Variants in BRF1 observed in about 807,000 individuals in gnomAD.
BRF1 encodes the protein transcription factor IIIB 90 kDa subunit.
BRF1 carries 59 observed loss-of-function variants against 81.7 expected under a neutral mutation model. That is an observed-to-expected ratio of 0.72 (90% CI 0.59 to 0.90). The LOEUF is 0.90. BRF1 is among the 40% of genes least tolerant of loss of function. BRF1 has a pLI of 0.00. For synonymous variants in BRF1, 491 were observed against 395.6 expected, an observed-to-expected ratio of 1.24 and a Z score of -2.86; for missense variants, 1,050 against 936.3, an observed-to-expected ratio of 1.12 and a Z score of -1.58.
intron 1 of BRF1, among the ~76,000 whole-genome samples, chr14:105,295,366 G>C (rs1038199054): frequency 6.6e-6 from 1 of 150,394 alleles, no homozygotes; most frequent in Non-Finnish European, 1.5e-5. Flanking sequence ...AGAACTTTGA[G>C]AGGCCAAGAC....
rs587659131 is a variant in BRF1 at position 105,218,104 on chromosome 14, A to ACACAGGGCAGGGCCACATG, written c.1516-323_1516-305dup. On this transcript the variant is annotated intron_variant, in intron 14 of 17. Transcript: ENST00000547530. ...CAGGGCCCTGCTGCCCCTGGGTCCC[A>ACACAGGGCAGGGCCACATG]CACAGGGCAGGGCCACATGCACACG... Among the ~76,000 whole-genome samples the ACACAGGGCAGGGCCACATG allele has an allele frequency of 1.5e-4, 23 of 152,216 alleles. No homozygotes were observed. The East Asian group carries it at 4.4e-3, about 29-fold the overall frequency.
In BRF1 at chr14:105,210,596, A is replaced by G. The variant is rs1159843541; in HGVS notation, c.1997-8T>C. On this transcript the variant is annotated splice_region_variant and splice_polypyrimidine_tract_variant and intron_variant, in intron 17 of 17. Coordinates refer to ENST00000547530, the MANE Select transcript of BRF1 (RefSeq NM_001519.4). This position sits in a 1 kb window ranked among gnomAD's most constrained non-coding sequence, Gnocchi z 4.7. ...CGCCATCACAGCCATAGTCTGCAGA[A>G]GAGCACAGTCATGAAGCCCAGGGTC... 1 of 1,611,490 alleles carries G rather than the reference A, an allele frequency of 6.2e-7. No homozygotes were observed. The highest frequency in any genetic ancestry group is 8.5e-7 in the Non-Finnish European group (1 of 1,179,808).
rs587616617 is a variant in BRF1, at chr14:105,245,111, C to T, written c.545-3697G>A. 7.9e-4 allele frequency among the ~76,000 whole-genome samples: 121 copies of T among 152,266 alleles called. 1 individual carries two copies. The highest frequency in any genetic ancestry group is 2.8e-3 in the African/African-American group (117 of 41,526). On this transcript the variant is annotated intron_variant, in intron 5 of 17. Coordinates refer to ENST00000547530, the MANE Select transcript of BRF1 (RefSeq NM_001519.4). ...TGGTGGCTCACACCTGTAATCCTAGCACTTTGGGAGGCCGAGGCAGGTGGA... is the reference window on the plus strand; with the variant it reads ...TGGTGGCTCACACCTGTAATCCTAGTACTTTGGGAGGCCGAGGCAGGTGGA...
intron 5 of BRF1, chr14:105,247,406 C>G (rs1295891601): frequency 6.1e-6 from 6 of 985,326 alleles, no homozygotes; most frequent in Non-Finnish European, 7.2e-6. Context: ...TTTGTGCACT[C>G]TGGGCCATTG....
intron 1 of BRF1, 127 bp from the exon 2 acceptor site, chr14:105,286,503 C>T (rs149520246): frequency 2.0e-5 from 19 of 928,774 alleles, no homozygotes; most frequent in Non-Finnish European, 2.7e-5. Flanking sequence ...AGCAGCAGGT[C>T]GGCCCCCCGC....
intron 7 of BRF1, chr14:105,227,884 G>A (rs1183043846): frequency 6.6e-6 from 1 of 152,252 alleles, no homozygotes; most frequent in Non-Finnish European, 1.5e-5. Context: ...CTGAAAAACA[G>A]CAGTCCTGTG....
chr14:105,226,518 A>G, intron 8 of BRF1, 116 bp downstream of exon 8: 1 of 1,546,470 alleles, frequency 6.5e-7, no homozygotes, highest in Non-Finnish European at 8.7e-7. Flanking sequence ...ATAGCACTGA[A>G]GAGCGGCTAT....
intron 15 of BRF1, among the ~76,000 whole-genome samples, chr14:105,214,173 T>C (rs1009502778): frequency 1.3e-5 from 2 of 152,218 alleles, no homozygotes; most frequent in African/African-American, 4.8e-5. Flanking sequence ...CTGGGGCCTG[T>C]AAGCAGGCAA....
Position 105,269,242 on chromosome 14 carries a change from G to A in BRF1, c.439+3479C>T, listed in dbSNP as rs1163773154. Among the ~76,000 whole-genome samples, 2 of 152,126 alleles carry A rather than the reference G, an allele frequency of 1.3e-5. No individual in the cohort carries two copies. Among genetic ancestry groups the A allele is most frequent in the East Asian group, 1.9e-4 (1 of 5,198 alleles). On this transcript the variant is annotated intron_variant, in intron 3 of 17. Coordinates refer to ENST00000547530, the MANE Select transcript of BRF1 (RefSeq NM_001519.4). This position sits in a 1 kb window ranked among gnomAD's most constrained non-coding sequence, Gnocchi z 5.0. ...CTAAAGTGCCGGCAAAGCAGGGGTGGGCTGGGAAGTGAGGGCTACAGCTAC... is the reference window on the plus strand; with the variant it reads ...CTAAAGTGCCGGCAAAGCAGGGGTGAGCTGGGAAGTGAGGGCTACAGCTAC...
At chr14:105,289,816 A>T (rs2057450459) in intron 1 of BRF1, among the ~76,000 whole-genome samples, 2 of 151,816 alleles carry the variant, frequency 1.3e-5, no homozygotes, top group African/African-American at 4.8e-5. Flanking sequence ...TTGTATTTTT[A>T]CTAGAGATGA....
intron 2 of BRF1, 37 bp downstream of exon 2, chr14:105,286,259 C>T: frequency 1.3e-6 from 2 of 1,587,316 alleles, no homozygotes; most frequent in Non-Finnish European, 8.6e-7. Flanking sequence ...TCTCTGGGAC[C>T]CGCCGCACGC....
intron 3 of BRF1, among the ~76,000 whole-genome samples, chr14:105,265,063 TTG>T (rs796162542): frequency 2.2e-5 from 3 of 139,272 alleles, no homozygotes; most frequent in African/African-American, 6.0e-5. Context: ...TGTTTTTTTT[TTG>T]TTTGTTTGTT....
intron 6 of BRF1, 67 bp from the exon 7 acceptor site, chr14:105,228,980 A>C (rs1595328544): frequency 2.1e-6 from 3 of 1,420,828 alleles, no homozygotes; most frequent in Middle Eastern, 1.8e-4. Flanking sequence ...GTGGCGGCCC[A>C]GGACAACACT....
At position 105,210,148 on chromosome 14, in the gene BRF1, CCA is replaced by C. The variant is rs1889905294; in HGVS notation, c.*401_*402del. On this transcript the variant is annotated 3_prime_UTR_variant, in exon 18 of 18. Transcript: ENST00000547530. This position sits in a 1 kb window ranked among gnomAD's most constrained non-coding sequence, Gnocchi z 4.7. ...CGGTGCGGAGGGTGGGCTGGAGACT[CCA>C]GAGCTGGTCCTGAGTCACAGGGCCA... is the stretch of plus-strand genomic sequence containing the variant. 1 of 279,242 alleles carries C rather than the reference CCA, an allele frequency of 3.6e-6. No homozygotes were observed. Among genetic ancestry groups the C allele is most frequent in the African/African-American group, 2.2e-5 (1 of 44,912 alleles). 17.3% of individuals were successfully genotyped at this position (279,242 alleles called of 1,614,324 possible). A position where few individuals can be genotyped will look rare whatever the true frequency, so the allele number is the denominator to read the frequency against.
chr14:105,214,593 G>A (rs587702854), intron 15 of BRF1, among the ~76,000 whole-genome samples: 1 of 152,308 alleles, frequency 6.6e-6, no homozygotes, highest in South Asian at 2.1e-4. Flanking sequence ...ATCAGGGGAA[G>A]CATGCATCAT....
chr14:105,250,251 A>G (rs2055522778), intron 5 of BRF1: 1 of 1,613,020 alleles, frequency 6.2e-7, no homozygotes, highest in Non-Finnish European at 8.5e-7. Flanking sequence ...TCTTCTGCCT[A>G]CCGCAGCAAC....
chr14:105,284,220 TCA>T lies in BRF1; in HGVS notation c.265+2074_265+2075del, dbSNP rs1291486498. Reference sequence around the variant, plus strand: ...CTCGAAGCATTTCCGAAGACTGAAATCACACAGAGGGTGCTCTCTACTGCAGA... The same window carrying T: ...CTCGAAGCATTTCCGAAGACTGAAATCACAGAGGGTGCTCTCTACTGCAGA... On this transcript the variant is annotated intron_variant, in intron 2 of 17. Transcript: ENST00000547530. This position sits in a 1 kb window ranked among gnomAD's most constrained non-coding sequence, Gnocchi z 4.0. Among the ~76,000 whole-genome samples the T allele has an allele frequency of 6.6e-6, 1 of 151,726 alleles. No individual in the cohort carries two copies. Among genetic ancestry groups the T allele is most frequent in the Non-Finnish European group, 1.5e-5 (1 of 67,952 alleles).
At chr14:105,256,202 T>G in intron 4 of BRF1, 1 of 1,532,726 alleles carries the variant, frequency 6.5e-7, no homozygotes, top group African/African-American at 1.4e-5. Context: ...CAAAAAAATT[T>G]TTTAATTGAA....
chr14:105,212,447 G>A (rs1019578397), intron 15 of BRF1: 1 of 425,562 alleles, frequency 2.3e-6, no homozygotes, highest in Non-Finnish European at 4.3e-6. Context: ...AACAGTGCCT[G>A]AGCCCTCAAG....
Sources: gnomAD v4.1 joint callset for allele counts (sites outside exome capture counted in the v4.1 genomes callset) on GRCh38, gnomAD v4.1.1 for gene constraint, Gnocchi (gnomAD v3.1) non-coding constraint, MANE v1.5 for transcripts, NCBI Gene and HGNC (gene_info 2026-07-23, HGNC 2026-07-21) for gene names.